NAF1: variants seen among roughly 807,000 people sequenced by gnomAD.
NAF1 encodes the protein H/ACA ribonucleoprotein complex non-core subunit NAF1.
NAF1 carries 11 observed loss-of-function variants against 40.6 expected under a neutral mutation model. That is an observed-to-expected ratio of 0.27 (90% confidence interval 0.17 to 0.45). The LOEUF is 0.45. NAF1 is among the 20% of genes least tolerant of loss of function. The pLI, the probability that NAF1 is intolerant of heterozygous loss-of-function variation, is 1.00. For missense variants in NAF1, 607 were observed against 611.1 expected (o/e 0.99, Z 0.07); for synonymous variants, 260 against 228.5 (o/e 1.14, Z -1.24).
At chr4:163,130,171 A>G (rs1035111843) in intron 7 of NAF1, among the ~76,000 whole-genome samples, 1 of 152,226 alleles carries the variant, frequency 6.6e-6, no homozygotes, top group Non-Finnish European at 1.5e-5. Context: ...GTCTTGTAAT[A>G]TAATACTCAA....
intron 2 of NAF1, chr4:163,157,002 G>C (rs995467469): frequency 6.6e-6 from 1 of 152,006 alleles, no homozygotes; most frequent in African/African-American, 2.4e-5. Context: ...ATAACAAAGA[G>C]TAGGAAAGGA....
chr4:163,125,265 A>C (rs1730622977), downstream of NAF1, among the ~76,000 whole-genome samples: 1 of 152,264 alleles, frequency 6.6e-6, no homozygotes, highest in Admixed American at 6.5e-5. Context: ...CAAAAGTTAG[A>C]AATGATTAAG....
At chr4:163,116,266 G>A (rs532256050) in intron 2 of NAF1, among the ~76,000 whole-genome samples, 78 of 152,272 alleles carry the variant, frequency 5.1e-4, no homozygotes, top group African/African-American at 1.8e-3. Context: ...TTGAAAATGT[G>A]TAGTTTAATT....
At chr4:163,155,011 T>C (rs1009046964) in intron 2 of NAF1, among the ~76,000 whole-genome samples, 31 of 152,134 alleles carry the variant, frequency 2.0e-4, no homozygotes, top group Non-Finnish European at 5.9e-5. Flanking sequence ...GAGAGAACTT[T>C]AGAAGGTTCA....
At chr4:163,153,496 G>A (rs904113157) in intron 2 of NAF1, among the ~76,000 whole-genome samples, 1 of 151,576 alleles carries the variant, frequency 6.6e-6, no homozygotes, top group Non-Finnish European at 1.5e-5. Flanking sequence ...TACACCAATC[G>A]GCACTCTGTA....
chr4:163,150,887 A>T (rs1731673787), intron 2 of NAF1, among the ~76,000 whole-genome samples: 1 of 152,124 alleles, frequency 6.6e-6, no homozygotes, highest in Admixed American at 6.5e-5. Context: ...TCCACAATGT[A>T]TGAGAGATTT....
rs528745061 is a variant in NAF1 at position 163,130,942 on chromosome 4, G to A, written c.1034-1594C>T. Among the ~76,000 whole-genome samples, 101 of 152,272 alleles carry A rather than the reference G, an allele frequency of 6.6e-4. 1 individual carries two copies. Among genetic ancestry groups the A allele is most frequent in the Middle Eastern group, 6.8e-3 (2 of 294 alleles). Reference sequence around the variant, plus strand: ...AGCCCTGGCTGGAGTGCAGTGGCACGATCTCAGCTCACTGCAACCTCCGCT... The same window carrying A: ...AGCCCTGGCTGGAGTGCAGTGGCACAATCTCAGCTCACTGCAACCTCCGCT... On this transcript the variant is annotated intron_variant, in intron 7 of 7. Transcript: ENST00000274054.
intron 5 of NAF1, among the ~76,000 whole-genome samples, chr4:163,138,880 CA>C (rs2110925143): frequency 6.6e-6 from 1 of 152,136 alleles, no homozygotes; most frequent in African/African-American, 2.4e-5. Context: ...TCTTTATATT[CA>C]AAGCAGGATG....
chr4:163,141,658 C>G (rs887825280), intron 4 of NAF1, among the ~76,000 whole-genome samples: 17 of 152,122 alleles, frequency 1.1e-4, no homozygotes, highest in African/African-American at 3.6e-4. Context: ...ATATAAATCA[C>G]TATACTTCAG....
intron 4 of NAF1, chr4:163,143,971 T>C (rs759212403): frequency 5.9e-5 from 56 of 946,310 alleles, no homozygotes; most frequent in Non-Finnish European, 6.8e-5. Context: ...GTATCATAAG[T>C]TACCTTGAAA....
At chr4:163,159,061 GA>G (rs1732111502) in intron 2 of NAF1, among the ~76,000 whole-genome samples, 1 of 152,018 alleles carries the variant, frequency 6.6e-6, no homozygotes, top group African/African-American at 2.4e-5. Flanking sequence ...TCACTTATTA[GA>G]AACTACTGAG....
rs745885718 is a variant in NAF1, at chr4:163,129,109, G to A, written c.1273C>T (p.Pro425Ser). The A allele has an allele frequency of 3.7e-6, 6 of 1,612,870 alleles. No individual in the cohort carries two copies. The East Asian group carries it at 1.3e-4, about 36-fold the overall frequency. ...TTATGCATGTCAAACACTGGAAGAGGAAAGGGGTATTGTGGCATAATGGGA... is the reference window on the plus strand; with the variant it reads ...TTATGCATGTCAAACACTGGAAGAGAAAAGGGGTATTGTGGCATAATGGGA... ...NNPIMPQYPF[P>S]LPVFDMHNFP... is the part of the protein sequence containing the mutation. The change falls in exon 8 of 8, where the codon CCT becomes TCT. Residue 425 changes from proline (P) to serine (S), a missense_variant. Physicochemically the swap from Pro to Ser is moderately conservative, Grantham distance 74. This residue lies in a region of NAF1 where 189 missense variants were observed against 216.6 expected (regional missense o/e 0.87). Coordinates refer to ENST00000274054, the MANE Select transcript of NAF1 (RefSeq NM_138386.3).
At position 163,130,011 on chromosome 4, in the gene NAF1, C is replaced by G. The variant is rs530451027; in HGVS notation, c.1034-663G>C. On this transcript the variant is annotated intron_variant, in intron 7 of 7. Transcript: ENST00000274054. ...CCCTCATCCAGCAGTAACAAGGCAC[C>G]CCTTGGCCAAAGGTGTCAACAGAGG... is the stretch of plus-strand genomic sequence containing the variant. 9.2e-5 allele frequency among the ~76,000 whole-genome samples: 14 copies of G among 152,226 alleles called. No homozygotes were observed. In the East Asian group the frequency reaches 2.5e-3, roughly 27 times the overall value.
chr4:163,132,082 C>G (rs545878617), intron 7 of NAF1, among the ~76,000 whole-genome samples: 2 of 152,056 alleles, frequency 1.3e-5, no homozygotes, highest in African/African-American at 4.8e-5. Context: ...GGAGAAAATG[C>G]AAAGAAATTG....
downstream of NAF1, among the ~76,000 whole-genome samples, chr4:163,124,622 C>A (rs1730602742): frequency 6.6e-6 from 1 of 152,038 alleles, no homozygotes; most frequent in African/African-American, 2.4e-5. Context: ...GTTTTCGATC[C>A]ACAATTGGTT....
At chr4:163,115,145 A>G (rs1183166743) in intron 2 of NAF1, among the ~76,000 whole-genome samples, 3 of 149,244 alleles carry the variant, frequency 2.0e-5, no homozygotes, top group African/African-American at 7.4e-5. Context: ...AAGACTCTAC[A>G]TTTTTTCTGT....
In NAF1 at chr4:163,115,273, A is replaced by G. The variant is rs1037149475; in HGVS notation, c.115-4983T>C. 6.4e-4 allele frequency among the ~76,000 whole-genome samples: 87 copies of G among 135,948 alleles called. 1 individual carries two copies. Among genetic ancestry groups the G allele is most frequent in the Non-Finnish European group, 1.1e-3 (72 of 65,734 alleles). 89.2% of individuals were successfully genotyped at this position (135,948 alleles called of 152,430 possible). Reference sequence around the variant, plus strand: ...GCCCAGGCTGGAGTGCAGTGGCGCCATCTCGGCTCACTGCAAGCTCCGCCT... The same window carrying G: ...GCCCAGGCTGGAGTGCAGTGGCGCCGTCTCGGCTCACTGCAAGCTCCGCCT... On this transcript the variant is annotated intron_variant, in intron 2 of 2. Transcript: ENST00000509434.
chr4:163,156,785 G>A (rs1432294564), intron 2 of NAF1, among the ~76,000 whole-genome samples: 1 of 152,082 alleles, frequency 6.6e-6, no homozygotes. Flanking sequence ...ACTCTACTTG[G>A]AAATGGAGAT....
intron 7 of NAF1, 73 bp from the exon 8 acceptor site, chr4:163,129,421 C>T: frequency 7.1e-7 from 1 of 1,401,264 alleles, no homozygotes; most frequent in Non-Finnish European, 9.7e-7. Flanking sequence ...TTTGAAATTT[C>T]AATTATGATT....
Sources: gnomAD v4.1 joint callset for allele counts (sites outside exome capture counted in the v4.1 genomes callset) on GRCh38, gnomAD v4.1.1 for gene constraint, gnomAD v4.1.1 regional missense constraint, MANE v1.5 for transcripts, NCBI Gene and HGNC (gene_info 2026-07-23, HGNC 2026-07-21) for gene names.